The following ADGRL2 variants were observed in gnomAD, a reference collection of about 807,000 sequenced individuals.
The protein encoded by ADGRL2 is adhesion G protein-coupled receptor L2, also known as calcium-independent alpha-latrotoxin receptor 2.
A neutral mutation model predicts 157.4 loss-of-function variants in ADGRL2; 44 were observed. That is an observed-to-expected ratio of 0.28 (90% confidence interval 0.22 to 0.36). The LOEUF (loss-of-function observed/expected upper bound fraction) is 0.36. Among genes scored for constraint, ADGRL2 ranks in the 10% least tolerant of loss-of-function variants. The probability of loss-of-function intolerance (pLI) is 1.00; values close to 1 mark genes in which losing one functional copy is unlikely to be tolerated. For synonymous variants in ADGRL2, 585 were observed against 624.7 expected (o/e 0.94, Z 0.95); for missense variants, 1,510 against 1,768.9 (o/e 0.85, Z 2.63).
intron 2 of ADGRL2, among the ~76,000 whole-genome samples, chr1:81,899,570 G>A (rs61772831): frequency 1.2e-4 from 18 of 152,118 alleles, no homozygotes; most frequent in Non-Finnish European, 2.4e-4. Context: ...TTTACTCTAA[G>A]CACCGCTATT....
chr1:81,572,921 C>T (rs554125234), intron 2 of ADGRL2, among the ~76,000 whole-genome samples: 8 of 149,666 alleles, frequency 5.3e-5, no homozygotes, highest in South Asian at 2.1e-4. Context: ...TCTAGTAGGG[C>T]GTGAATGTTT....
At chr1:81,876,882 A>G (rs1028403304) in intron 2 of ADGRL2, among the ~76,000 whole-genome samples, 3 of 152,192 alleles carry the variant, frequency 2.0e-5, no homozygotes, top group Middle Eastern at 3.2e-3. Context: ...AGTTTTAGCC[A>G]TAGTTTCAAA....
intron 1 of ADGRL2, among the ~76,000 whole-genome samples, chr1:81,805,582 A>G (rs1218770339): frequency 6.6e-6 from 1 of 151,842 alleles, no homozygotes; most frequent in Non-Finnish European, 1.5e-5. Context: ...CTTAAGTGTA[A>G]TCGGATGATC....
chr1:81,366,569 C>T (rs1374838981), intron 1 of ADGRL2, among the ~76,000 whole-genome samples: 1 of 152,034 alleles, frequency 6.6e-6, no homozygotes. Flanking sequence ...TAATATATAC[C>T]AAGGTGATAT....
At chr1:81,713,693 C>G (rs1008874772) in intron 1 of ADGRL2, among the ~76,000 whole-genome samples, 9 of 152,104 alleles carry the variant, frequency 5.9e-5, no homozygotes, top group Non-Finnish European at 1.0e-4. Context: ...CTATTATTAT[C>G]CATATGCTGC....
chr1:81,794,722 T>C (rs772096721), intron 2 of ADGRL2, among the ~76,000 whole-genome samples: 4 of 152,180 alleles, frequency 2.6e-5, no homozygotes, highest in Non-Finnish European at 4.4e-5. Context: ...TGGTCTAGGA[T>C]CTAAGTGATT....
intron 3 of ADGRL2, among the ~76,000 whole-genome samples, chr1:81,919,013 C>T (rs1186468550): frequency 6.6e-6 from 1 of 152,068 alleles, no homozygotes; most frequent in Non-Finnish European, 1.5e-5. Flanking sequence ...GAATTCACGC[C>T]TACCTTTTTT....
chr1:81,535,601 G>A (rs17106655), intron 2 of ADGRL2, among the ~76,000 whole-genome samples: 29,262 of 152,080 alleles, frequency 0.19, 3,025 homozygotes, highest in African/African-American at 0.27. Context: ...ATAATAAGAG[G>A]AAAGCAGCAG....
At chr1:81,504,710 C>T (rs1032575998) in intron 2 of ADGRL2, among the ~76,000 whole-genome samples, 1 of 152,110 alleles carries the variant, frequency 6.6e-6, no homozygotes, top group African/African-American at 2.4e-5. Context: ...GCCCTGAAAC[C>T]GTACCAGTTC....
chr1:81,889,053 C>T (rs759795543), intron 2 of ADGRL2, among the ~76,000 whole-genome samples: 5 of 152,104 alleles, frequency 3.3e-5, no homozygotes, highest in Non-Finnish European at 7.4e-5. Context: ...CCTTCCCTGT[C>T]TCTCCCCCTC....
chr1:81,405,041 T>C (rs181094798), intron 1 of ADGRL2, among the ~76,000 whole-genome samples: 26 of 152,332 alleles, frequency 1.7e-4, no homozygotes, highest in African/African-American at 6.0e-4. Context: ...CATAAATTCA[T>C]CTTTCATTGT....
intron 2 of ADGRL2, among the ~76,000 whole-genome samples, chr1:81,521,173 A>C (rs935128411): frequency 6.6e-6 from 1 of 152,148 alleles, no homozygotes; most frequent in African/African-American, 2.4e-5. Context: ...GCAGAGGGAA[A>C]CACATGGCAG....
At chr1:81,534,464 A>T (rs954274425) in intron 2 of ADGRL2, among the ~76,000 whole-genome samples, 2 of 152,272 alleles carry the variant, frequency 1.3e-5, no homozygotes, top group Non-Finnish European at 2.9e-5. Flanking sequence ...ACCAGGCCTG[A>T]TTACAAGTTA....
chr1:81,420,382 A>G (rs562652429), intron 1 of ADGRL2, among the ~76,000 whole-genome samples: 6 of 152,350 alleles, frequency 3.9e-5, no homozygotes, highest in Admixed American at 2.6e-4. Flanking sequence ...CTAAAACTAG[A>G]GCAAAAAAGC....
chr1:81,616,669 C>CTTTTATTTTA lies in ADGRL2; in HGVS notation c.-143+35693_-143+35694insATTTTATTTT, dbSNP rs1304177259. Among the ~76,000 whole-genome samples the CTTTTATTTTA allele has an allele frequency of 2.6e-4, 27 of 103,764 alleles. No individual in the cohort carries two copies. In the East Asian group the frequency reaches 3.6e-3, roughly 14 times the overall value. The allele number at this position is 103,764 out of a possible 152,430, so 68.1% of individuals were successfully genotyped here. On this transcript the variant is annotated intron_variant, in intron 3 of 24. Transcript: ENST00000370721. ...GGGTTTTTTTTTTTTCTTTTCTTTT[C>CTTTTATTTTA]TTTTCTTTTCTTTTTTTTTTTTTTT... is the stretch of plus-strand genomic sequence containing the variant.
chr1:81,840,668 A>G (rs3790946), intron 2 of ADGRL2, among the ~76,000 whole-genome samples: 21,358 of 152,104 alleles, frequency 0.14, 1,664 homozygotes, highest in East Asian at 0.2. Flanking sequence ...AGTCTTACCC[A>G]TTAAAGTTTA....
At chr1:81,415,432 T>C (rs2077015884) in intron 1 of ADGRL2, among the ~76,000 whole-genome samples, 1 of 152,076 alleles carries the variant, frequency 6.6e-6, no homozygotes, top group Admixed American at 6.5e-5. Flanking sequence ...CAAAAGATTA[T>C]TACAAAAGAA....
At chr1:81,564,033 G>A (rs1413730303) in intron 2 of ADGRL2, among the ~76,000 whole-genome samples, 2 of 152,116 alleles carry the variant, frequency 1.3e-5, no homozygotes, top group Non-Finnish European at 2.9e-5. Flanking sequence ...TTATCTTAGA[G>A]GTAGTAAATG....
At chr1:81,916,075 G>A (rs2094848508) in intron 3 of ADGRL2, among the ~76,000 whole-genome samples, 1 of 152,058 alleles carries the variant, frequency 6.6e-6, no homozygotes. Flanking sequence ...TGACAGAACT[G>A]TGTTTGACTG....
Sources: allele counts gnomAD v4.1 joint callset (sites outside exome capture counted in the v4.1 genomes callset), GRCh38; gene constraint gnomAD v4.1.1; transcripts MANE v1.5; gene names NCBI Gene and HGNC (gene_info 2026-07-23, HGNC 2026-07-21).